The following KAZN variants were observed in gnomAD, a reference collection of about 807,000 sequenced individuals.
KAZN encodes the protein kazrin.
In KAZN, 40 loss-of-function variants were observed where a neutral mutation model predicts 87.4. The observed-to-expected ratio is 0.46, with a 90% CI of 0.36 to 0.60. The LOEUF (loss-of-function observed/expected upper bound fraction) is 0.60. Ranked by LOEUF, KAZN falls within the 20% of genes least tolerant of loss-of-function variation. The pLI, the probability that KAZN is intolerant of heterozygous loss-of-function variation, is 0.00. For synonymous variants in KAZN, 466 were observed against 458.3 expected, an observed-to-expected ratio of 1.02 and a Z score of -0.22; for missense variants, 898 against 1,073.9, an observed-to-expected ratio of 0.84 and a Z score of 2.29.
chr1:13,983,118 G>T (rs550107292), intron 1 of KAZN, among the ~76,000 whole-genome samples: 2 of 152,246 alleles, frequency 1.3e-5, no homozygotes, highest in African/African-American at 4.8e-5. Flanking sequence ...GATCTCGCAC[G>T]GGGGCTGCAG....
intron 2 of KAZN, among the ~76,000 whole-genome samples, chr1:14,591,370 A>G (rs1557820685): frequency 1.3e-5 from 2 of 151,848 alleles, no homozygotes; most frequent in Non-Finnish European, 1.5e-5. Context: ...TCGAGAACCC[A>G]GGCCAGCACA....
Position 15,101,751 on chromosome 1 carries a change from T to A in KAZN, c.1756T>A (p.Tyr586Asn), listed in dbSNP as rs770646579. 1.1e-5 allele frequency: 18 copies of A among 1,583,312 alleles called. 1 individual carries two copies. In the South Asian group the frequency reaches 2.0e-4, roughly 17 times the overall value. ...VSILLGIELL[Y>N]QVNFSREALQ... ...CATCCTGCTGGGGATCGAGCTGCTG[T>A]ACCAAGTGAACTTCAGCAGGGAGGT... The change falls in exon 11 of 15, where the codon TAC becomes AAC. Residue 586 changes from tyrosine (Y) to asparagine (N), a missense_variant. This residue lies in a region of KAZN where 521 missense variants were observed against 689.4 expected (regional missense o/e 0.76). Transcript: ENST00000376030.
intron 2 of KAZN, among the ~76,000 whole-genome samples, chr1:14,392,366 TG>T (rs1420241133): frequency 6.6e-6 from 1 of 152,060 alleles, no homozygotes; most frequent in African/African-American, 2.4e-5. Context: ...AGCGACTGAG[TG>T]GTGCCTTCCC....
At chr1:14,608,503 C>G (rs1239122399) in intron 1 of KAZN, among the ~76,000 whole-genome samples, 1 of 152,174 alleles carries the variant, frequency 6.6e-6, no homozygotes, top group African/African-American at 2.4e-5. Context: ...CTAATTTCAC[C>G]ACTAGGGGTT....
At chr1:14,014,142 G>C (rs979099655) in intron 1 of KAZN, among the ~76,000 whole-genome samples, 1 of 150,756 alleles carries the variant, frequency 6.6e-6, no homozygotes, top group African/African-American at 2.4e-5. Context: ...ATTTTTTTTC[G>C]CTATACCACA....
chr1:14,357,220 GT>G (rs1197658521), intron 2 of KAZN, among the ~76,000 whole-genome samples: 1 of 152,016 alleles, frequency 6.6e-6, no homozygotes, highest in Non-Finnish European at 1.5e-5. Flanking sequence ...TTGGCTCTCT[GT>G]TTGTCTGTTA....
rs1416957101 is a variant in KAZN at position 14,735,755 on chromosome 1, G to T, written c.226+136532G>T. On this transcript the variant is annotated intron_variant, in intron 1 of 14. Coordinates refer to ENST00000376030, the MANE Select transcript of KAZN (RefSeq NM_201628.3). The surrounding 1 kb of genome is among the most constrained non-coding windows in gnomAD (Gnocchi z 4.3). ...ATAGCCACTCTTGCACGGCAAAGGA[G>T]AAATGTCCACGATAGTCCAAGAAGC... Among the ~76,000 whole-genome samples, 1 of 152,232 alleles carries T rather than the reference G, an allele frequency of 6.6e-6. No homozygotes were observed. The highest frequency in any genetic ancestry group is 3.2e-3 in the Middle Eastern group (1 of 316).
At chr1:14,743,154 A>G (rs1376264374) in intron 1 of KAZN, among the ~76,000 whole-genome samples, 1 of 152,128 alleles carries the variant, frequency 6.6e-6, no homozygotes, top group Non-Finnish European at 1.5e-5. Flanking sequence ...TAGTAGGTTC[A>G]GGTGTGGTGG....
At chr1:14,324,974 C>A (rs1471675369) in intron 2 of KAZN, among the ~76,000 whole-genome samples, 8 of 152,124 alleles carry the variant, frequency 5.3e-5, no homozygotes, top group African/African-American at 1.7e-4. Context: ...AATACAGATG[C>A]CATAGTAAGG....
chr1:14,343,332 G>A (rs915111632), intron 2 of KAZN, among the ~76,000 whole-genome samples: 1 of 150,148 alleles, frequency 6.7e-6, no homozygotes, highest in South Asian at 2.1e-4. Flanking sequence ...TCCACTTCAC[G>A]TTTTCCTGCC....
At chr1:14,990,854 G>T (rs1047136456) in intron 2 of KAZN, among the ~76,000 whole-genome samples, 2 of 150,934 alleles carry the variant, frequency 1.3e-5, no homozygotes, top group East Asian at 3.9e-4. Flanking sequence ...GAATTAAGAT[G>T]AAGTCGTACT....
At chr1:14,528,193 C>G (rs1012515927) in intron 2 of KAZN, among the ~76,000 whole-genome samples, 13 of 151,582 alleles carry the variant, frequency 8.6e-5, no homozygotes, top group African/African-American at 3.2e-4. Context: ...CAAAAATTAG[C>G]TGGGTGTGGT....
intron 1 of KAZN, among the ~76,000 whole-genome samples, chr1:14,121,575 A>G (rs1424777742): frequency 6.6e-6 from 1 of 152,188 alleles, no homozygotes; most frequent in African/African-American, 2.4e-5. Context: ...AATCAAGAAT[A>G]TTTATTGAGG....
At chr1:14,037,152 T>G (rs1309017934) in intron 1 of KAZN, among the ~76,000 whole-genome samples, 1 of 152,210 alleles carries the variant, frequency 6.6e-6, no homozygotes, top group Non-Finnish European at 1.5e-5. Flanking sequence ...ATAGCCCACT[T>G]TTTCCACTGA....
At chr1:15,103,759 T>A (rs1412891968) in intron 12 of KAZN, among the ~76,000 whole-genome samples, 2 of 152,084 alleles carry the variant, frequency 1.3e-5, no homozygotes, top group Non-Finnish European at 2.9e-5. Flanking sequence ...CCAGCCCCAC[T>A]CTCCTAAGCA....
chr1:14,573,775 A>G (rs1021906092), intron 2 of KAZN, among the ~76,000 whole-genome samples: 2 of 152,170 alleles, frequency 1.3e-5, no homozygotes, highest in Non-Finnish European at 2.9e-5. Context: ...GCTTTTTTTT[A>G]CTCAAGCTGT....
intron 2 of KAZN, among the ~76,000 whole-genome samples, chr1:14,524,766 G>T (rs980824811): frequency 6.6e-6 from 1 of 152,142 alleles, no homozygotes; most frequent in Admixed American, 6.5e-5. Flanking sequence ...TACCTAAGGG[G>T]TGTTTTATTC....
intron 1 of KAZN, among the ~76,000 whole-genome samples, chr1:14,154,179 G>A (rs6663381): frequency 0.18 from 26,781 of 151,790 alleles, 2,973 homozygotes; most frequent in East Asian, 0.33. Context: ...AATTTCTTTC[G>A]TCAGTGTTCT....
At chr1:14,826,902 A>C (rs1646905949) in intron 1 of KAZN, among the ~76,000 whole-genome samples, 1 of 152,142 alleles carries the variant, frequency 6.6e-6, no homozygotes, top group African/African-American at 2.4e-5. Flanking sequence ...GGTCAGACCA[A>C]ATGGGGTTCA....
Sources: gnomAD v4.1 joint callset for allele counts (sites outside exome capture counted in the v4.1 genomes callset) on GRCh38, gnomAD v4.1.1 for gene constraint, gnomAD v4.1.1 regional missense constraint, Gnocchi (gnomAD v3.1) non-coding constraint, MANE v1.5 for transcripts, NCBI Gene and HGNC (gene_info 2026-07-23, HGNC 2026-07-21) for gene names.